ARMC9: variants seen among roughly 807,000 people sequenced by gnomAD.
ARMC9 encodes armadillo repeat containing 9.
ARMC9 carries 94 observed loss-of-function variants against 107.0 expected under a neutral mutation model. That is an observed-to-expected ratio of 0.88 (90% CI 0.74 to 1.04). The LOEUF is 1.04. Among genes scored for constraint, ARMC9 ranks in the 50% least tolerant of loss-of-function variants. The pLI is 0.00. For synonymous variants in ARMC9, 380 were observed against 396.9 expected (o/e 0.96, Z 0.51); for missense variants, 942 against 1,030.1 (o/e 0.91, Z 1.17).
Position 231,289,059 on chromosome 2 carries a change from A to G in ARMC9, c.1627-2294A>G, listed in dbSNP as rs541121609. Among the ~76,000 whole-genome samples the G allele has an allele frequency of 2.6e-5, 4 of 152,272 alleles. No homozygotes were observed. The South Asian group carries it at 8.3e-4, about 32-fold the overall frequency. The stretch of plus-strand genomic sequence containing the variant: ...CTGTCTTCCTGGACATTGTTACCTG[A>G]CCTAAATTATCTGAAATGACAAGTT... On this transcript the variant is annotated intron_variant, in intron 17 of 24. Transcript: ENST00000611582.
At position 231,262,413 on chromosome 2, in the gene ARMC9, G is replaced by C; in HGVS notation, c.1119+15G>C. The stretch of plus-strand genomic sequence containing the variant: ...GCCACAACCAGGTTGGTAAGAGGTG[G>C]GGCCAGATCCCAGCCAGGGCCTTCA... On this transcript the variant is annotated intron_variant, in intron 12 of 24. Coordinates refer to ENST00000611582, the MANE Select transcript of ARMC9 (RefSeq NM_001352754.2). The C allele has an allele frequency of 6.2e-7, 1 of 1,607,732 alleles. No individual in the cohort carries two copies. The highest frequency in any genetic ancestry group is 2.2e-5 in the East Asian group (1 of 44,838).
intron 1 of ARMC9, among the ~76,000 whole-genome samples, chr2:231,201,938 T>C (rs753855): frequency 0.59 from 88,839 of 150,304 alleles, 28,535 homozygotes; most frequent in African/African-American, 0.86. Flanking sequence ...CCGTTCCCAC[T>C]CTCCCTTCTC....
chr2:231,362,454 T>C lies in ARMC9; in HGVS notation c.2261+1571T>C, dbSNP rs2045627783. On this transcript the variant is annotated intron_variant, in intron 23 of 24. Coordinates refer to ENST00000611582, the MANE Select transcript of ARMC9 (RefSeq NM_001352754.2). This position sits in a 1 kb window ranked among gnomAD's most constrained non-coding sequence, Gnocchi z 4.7. ...CCCTCTCTCCCCAGAAATAACTGTT[T>C]TCACAGTAGGTAGGCAGCCGACCCT... is the stretch of plus-strand genomic sequence containing the variant. Among the ~76,000 whole-genome samples the C allele has an allele frequency of 6.6e-6, 1 of 152,060 alleles. No individual in the cohort carries two copies. The highest frequency in any genetic ancestry group is 2.4e-5 in the African/African-American group (1 of 41,398).
intron 19 of ARMC9, among the ~76,000 whole-genome samples, chr2:231,303,448 A>G (rs1307292821): frequency 6.6e-6 from 1 of 152,182 alleles, no homozygotes; most frequent in Non-Finnish European, 1.5e-5. Context: ...CTTACAGTGA[A>G]TGTTTTCAGT....
At chr2:231,245,610 T>TG (rs1424701189) in intron 9 of ARMC9, among the ~76,000 whole-genome samples, 1 of 152,202 alleles carries the variant, frequency 6.6e-6, no homozygotes, top group East Asian at 1.9e-4. Context: ...CTGTTGCCTG[T>TG]GTTTCATATG....
At chr2:231,333,820 A>G (rs1462999635) in intron 20 of ARMC9, among the ~76,000 whole-genome samples, 2 of 152,256 alleles carry the variant, frequency 1.3e-5, no homozygotes, top group Admixed American at 1.3e-4. Flanking sequence ...ATTTGCAGCC[A>G]GGTCAGACAG....
At chr2:231,276,951 A>C (rs947287648) in intron 15 of ARMC9, among the ~76,000 whole-genome samples, 176 bp downstream of exon 15, 1 of 152,196 alleles carries the variant, frequency 6.6e-6, no homozygotes, top group Non-Finnish European at 1.5e-5. Flanking sequence ...CTGAAGGCAA[A>C]ATCCATTCTT....
chr2:231,299,960 A>G (rs1248158627), intron 19 of ARMC9, among the ~76,000 whole-genome samples: 1 of 152,224 alleles, frequency 6.6e-6, no homozygotes, highest in East Asian at 1.9e-4. Flanking sequence ...CTTCAGAGAA[A>G]TGTGTTACCT....
chr2:231,265,694 CT>C (rs1167648711), intron 12 of ARMC9, among the ~76,000 whole-genome samples: 1 of 147,704 alleles, frequency 6.8e-6, no homozygotes, highest in African/African-American at 2.6e-5. Context: ...TGAAATAAAA[CT>C]TTTTTTCTAA....
At chr2:231,234,748 C>T (rs2035555213) in intron 7 of ARMC9, among the ~76,000 whole-genome samples, 1 of 152,192 alleles carries the variant, frequency 6.6e-6, no homozygotes, top group South Asian at 2.1e-4. Flanking sequence ...GGATTATAGG[C>T]GAGCACCACC....
At chr2:231,365,431 CATA>C (rs2045775736) in intron 23 of ARMC9, among the ~76,000 whole-genome samples, 1 of 152,160 alleles carries the variant, frequency 6.6e-6, no homozygotes, top group Non-Finnish European at 1.5e-5. Context: ...GCTGCTGAGT[CATA>C]ATCCGGCTGC....
chr2:231,285,759 T>G (rs2040546644), intron 17 of ARMC9, among the ~76,000 whole-genome samples: 2 of 152,200 alleles, frequency 1.3e-5, no homozygotes, highest in Admixed American at 1.3e-4. Flanking sequence ...GCTAGGCAGT[T>G]GCCTACTTAA....
intron 21 of ARMC9, among the ~76,000 whole-genome samples, chr2:231,352,627 G>C (rs1187929500): frequency 6.6e-6 from 1 of 151,394 alleles, no homozygotes; most frequent in Non-Finnish European, 1.5e-5. Context: ...CCCACTGCTA[G>C]GATTTTATAC....
chr2:231,221,229 G>C, intron 5 of ARMC9, among the ~76,000 whole-genome samples: 1 of 152,126 alleles, frequency 6.6e-6, no homozygotes, highest in East Asian at 1.9e-4. Context: ...CATCATTCCA[G>C]TCTCTGTCTC....
At chr2:231,352,583 C>T (rs1218018205) in intron 21 of ARMC9, among the ~76,000 whole-genome samples, 1 of 151,718 alleles carries the variant, frequency 6.6e-6, no homozygotes, top group African/African-American at 2.4e-5. Context: ...CTTGGCTTCC[C>T]AAAGTGCTGG....
intron 9 of ARMC9, chr2:231,256,362 T>C: frequency 7.0e-7 from 1 of 1,419,522 alleles, no homozygotes; most frequent in Non-Finnish European, 9.7e-7. Context: ...CCGATGGGAA[T>C]GGTCTGTCAC....
chr2:231,296,372 A>C, intron 19 of ARMC9, 119 bp downstream of exon 19: 2 of 914,550 alleles, frequency 2.2e-6, no homozygotes, highest in Non-Finnish European at 3.3e-6. Flanking sequence ...TATTTCTCAC[A>C]ATTCTGAGGG....
At chr2:231,221,977 G>A (rs1448232287) in intron 5 of ARMC9, among the ~76,000 whole-genome samples, 1 of 152,136 alleles carries the variant, frequency 6.6e-6, no homozygotes, top group African/African-American at 2.4e-5. Context: ...GGGGAAGGAT[G>A]GAAAGGTCTG....
chr2:231,313,176 T>C (rs548853099), intron 19 of ARMC9, among the ~76,000 whole-genome samples: 1 of 152,238 alleles, frequency 6.6e-6, no homozygotes, highest in Admixed American at 6.5e-5. Flanking sequence ...AGCATATATG[T>C]TTGTAATTCT....
Sources: gnomAD v4.1 joint callset for allele counts (sites outside exome capture counted in the v4.1 genomes callset) on GRCh38, gnomAD v4.1.1 for gene constraint, Gnocchi (gnomAD v3.1) non-coding constraint, MANE v1.5 for transcripts, NCBI Gene and HGNC (gene_info 2026-07-23, HGNC 2026-07-21) for gene names.